TRIO: variants seen among roughly 807,000 people sequenced by gnomAD.
TRIO encodes trio Rho guanine nucleotide exchange factor.
In TRIO, 58 loss-of-function variants were observed where a neutral mutation model predicts 351.9. The observed-to-expected ratio is 0.16, with a 90% CI of 0.13 to 0.21. The LOEUF (loss-of-function observed/expected upper bound fraction) is 0.21, where lower values mean the gene tolerates loss of function less well. TRIO is among the 10% of genes least tolerant of loss of function. The probability of loss-of-function intolerance (pLI) is 1.00; values close to 1 mark genes in which losing one functional copy is unlikely to be tolerated. For missense variants in TRIO, 3,201 were observed against 4,027.8 expected (o/e 0.79, Z 5.56); for synonymous variants, 1,758 against 1,595.7 (o/e 1.10, Z -2.42).
At chr5:14,459,159 C>T (rs977976546) in intron 34 of TRIO, among the ~76,000 whole-genome samples, 2 of 152,098 alleles carry the variant, frequency 1.3e-5, no homozygotes, top group East Asian at 1.9e-4. Context: ...GTGTCTTGGG[C>T]GAAGGAAGGA....
intron 1 of TRIO, among the ~76,000 whole-genome samples, chr5:14,164,268 A>G (rs999690171): frequency 2.6e-5 from 4 of 152,268 alleles, no homozygotes; most frequent in African/African-American, 9.6e-5. Context: ...AGAAGGGCTT[A>G]GAGCCATTAC....
intron 7 of TRIO, among the ~76,000 whole-genome samples, 192 bp from the exon 8 acceptor site, chr5:14,304,269 C>G (rs1277327171): frequency 6.6e-6 from 1 of 152,178 alleles, no homozygotes; most frequent in Admixed American, 6.5e-5. Context: ...CCCAGTCCTG[C>G]TGGAACTCAC....
intron 8 of TRIO, among the ~76,000 whole-genome samples, chr5:14,310,526 T>G (rs2152301141): frequency 6.6e-6 from 1 of 152,362 alleles, no homozygotes; most frequent in South Asian, 2.1e-4. Flanking sequence ...CTGGTTGAGC[T>G]CCTGTTTAAA....
chr5:14,202,977 C>G (rs1171763692), intron 1 of TRIO, among the ~76,000 whole-genome samples: 1 of 152,046 alleles, frequency 6.6e-6, no homozygotes, highest in Non-Finnish European at 1.5e-5. Flanking sequence ...TTAAGATCCA[C>G]TCAGTCAACC....
At chr5:14,373,163 G>A (rs570212143) in intron 18 of TRIO, among the ~76,000 whole-genome samples, 4 of 152,282 alleles carry the variant, frequency 2.6e-5, no homozygotes, top group Admixed American at 1.3e-4. Flanking sequence ...CACCTCCCAC[G>A]AGGTTTCTAC....
In TRIO at chr5:14,330,762, CT is replaced by C; in HGVS notation, c.1732-15del. 1 of 1,612,804 alleles carries C rather than the reference CT, an allele frequency of 6.2e-7. No homozygotes were observed. Among genetic ancestry groups the C allele is most frequent in the Non-Finnish European group, 8.5e-7 (1 of 1,179,256 alleles). ...GACATTGTTTTTATGGCATATGTACCTGTATTTCATTGTAGGTGCTAGACTG... is the reference window on the plus strand; with the variant it reads ...GACATTGTTTTTATGGCATATGTACCGTATTTCATTGTAGGTGCTAGACTG... On this transcript the variant is annotated splice_polypyrimidine_tract_variant and intron_variant, in intron 9 of 56. Transcript: ENST00000344204.
intron 33 of TRIO, among the ~76,000 whole-genome samples, chr5:14,409,566 G>A (rs1267847804): frequency 6.6e-6 from 1 of 151,744 alleles, no homozygotes; most frequent in East Asian, 1.9e-4. Context: ...AGCACGCGGT[G>A]GCTCACGCCT....
intron 6 of TRIO, among the ~76,000 whole-genome samples, chr5:14,294,575 T>C (rs1737183658): frequency 6.6e-6 from 1 of 152,202 alleles, no homozygotes; most frequent in Admixed American, 6.5e-5. Context: ...CTTCCCCCTT[T>C]CTTCAGCATT....
chr5:14,412,323 C>T (rs938036669), intron 33 of TRIO, among the ~76,000 whole-genome samples: 4 of 152,038 alleles, frequency 2.6e-5, no homozygotes, highest in Admixed American at 1.3e-4. Context: ...GAAAAGCAAT[C>T]AGCTCTTTCT....
chr5:14,185,347 C>A lies in TRIO; in HGVS notation c.157+41465C>A, dbSNP rs531705750. 7.9e-5 allele frequency among the ~76,000 whole-genome samples: 12 copies of A among 152,354 alleles called. No homozygotes were observed. The South Asian group carries it at 2.1e-3, about 26-fold the overall frequency. ...AGACTGAATGGTGAATACTTAAAAA[C>A]ATGAATAGCACAGTTCTTCCTGGGC... On this transcript the variant is annotated intron_variant, in intron 1 of 56. Transcript: ENST00000344204.
intron 43 of TRIO, among the ~76,000 whole-genome samples, chr5:14,480,545 T>C (rs769280454): frequency 3.9e-5 from 6 of 152,214 alleles, no homozygotes; most frequent in Non-Finnish European, 7.3e-5. Flanking sequence ...CACTAGCCCT[T>C]GATTGAGTTA....
At chr5:14,170,793 C>G (rs1351819448) in intron 1 of TRIO, among the ~76,000 whole-genome samples, 1 of 152,160 alleles carries the variant, frequency 6.6e-6, no homozygotes, top group Non-Finnish European at 1.5e-5. Flanking sequence ...GAGTGAACCT[C>G]TGTGCCTGGC....
At chr5:14,299,602 C>T (rs1737681363) in intron 7 of TRIO, among the ~76,000 whole-genome samples, 1 of 152,126 alleles carries the variant, frequency 6.6e-6, no homozygotes. Context: ...TTTTCTTTTC[C>T]CAAGAGAGCA....
intron 10 of TRIO, among the ~76,000 whole-genome samples, chr5:14,335,236 A>G (rs773528535): frequency 2.0e-5 from 3 of 152,062 alleles, no homozygotes; most frequent in Non-Finnish European, 4.4e-5. Flanking sequence ...CCATTCTACT[A>G]ATGTAACCAG....
At chr5:14,445,512 A>G (rs1752374178) in intron 34 of TRIO, among the ~76,000 whole-genome samples, 1 of 152,236 alleles carries the variant, frequency 6.6e-6, no homozygotes, top group South Asian at 2.1e-4. Context: ...TTTGACTATA[A>G]GAAACCATCT....
At chr5:14,404,637 T>C (rs924910519) in intron 31 of TRIO, among the ~76,000 whole-genome samples, 3 of 152,150 alleles carry the variant, frequency 2.0e-5, no homozygotes, top group Admixed American at 6.5e-5. Flanking sequence ...AGTCCCTTAC[T>C]TTCCCCCCGC....
chr5:14,468,538 CTT>C (rs1057274064), intron 37 of TRIO, among the ~76,000 whole-genome samples: 1 of 152,232 alleles, frequency 6.6e-6, no homozygotes, highest in Non-Finnish European at 1.5e-5. Flanking sequence ...ATTCTCCCCT[CTT>C]TTTCTGGTTC....
chr5:14,278,435 T>A (rs1429876147), intron 2 of TRIO, among the ~76,000 whole-genome samples: 1 of 152,206 alleles, frequency 6.6e-6, no homozygotes, highest in Non-Finnish European at 1.5e-5. Context: ...AACATCATGC[T>A]GCATTTCAAA....
intron 1 of TRIO, among the ~76,000 whole-genome samples, chr5:14,172,528 A>T (rs188437938): frequency 6.6e-6 from 1 of 152,326 alleles, no homozygotes; most frequent in East Asian, 1.9e-4. Flanking sequence ...GGAGTGGGAC[A>T]GGTTAACAAC....
Sources: gnomAD v4.1 joint callset for allele counts (sites outside exome capture counted in the v4.1 genomes callset) on GRCh38, gnomAD v4.1.1 for gene constraint, MANE v1.5 for transcripts, NCBI Gene and HGNC (gene_info 2026-07-23, HGNC 2026-07-21) for gene names.